Variants in ARHGAP44 observed in about 807,000 individuals in gnomAD.
ARHGAP44 encodes rho GTPase-activating protein 44.
ARHGAP44 carries 43 observed loss-of-function variants against 106.8 expected under a neutral mutation model. The ratio of observed to expected loss-of-function variants is 0.40; its 90% CI spans 0.32 to 0.52. The LOEUF (loss-of-function observed/expected upper bound fraction) is 0.52. Among genes scored for constraint, ARHGAP44 ranks in the 20% least tolerant of loss-of-function variants. ARHGAP44 has a pLI of 0.48. For synonymous variants in ARHGAP44, 439 were observed against 410.3 expected (o/e 1.07, Z -0.85); for missense variants, 866 against 1,050.5 (o/e 0.82, Z 2.43).
At chr17:12,897,540 T>C (rs1245248628) in intron 3 of ARHGAP44, among the ~76,000 whole-genome samples, 1 of 151,882 alleles carries the variant, frequency 6.6e-6, no homozygotes, top group Non-Finnish European at 1.5e-5. Flanking sequence ...AAAATATCTA[T>C]AGAAATAATT....
At chr17:12,945,846 G>A (rs2038836960) in intron 10 of ARHGAP44, among the ~76,000 whole-genome samples, 1 of 152,122 alleles carries the variant, frequency 6.6e-6, no homozygotes, top group Non-Finnish European at 1.5e-5. Context: ...GAGTGCAGTG[G>A]TGCGATCTTG....
chr17:12,986,980 T>G, intron 20 of ARHGAP44: 4 of 869,426 alleles, frequency 4.6e-6, no homozygotes, highest in African/African-American at 1.7e-5. Context: ...GAATCCATCA[T>G]GGTTTGATGT....
chr17:12,941,716 G>A (rs1423561285), intron 8 of ARHGAP44, among the ~76,000 whole-genome samples: 1 of 152,158 alleles, frequency 6.6e-6, no homozygotes, highest in Non-Finnish European at 1.5e-5. Flanking sequence ...ACCAATCAAA[G>A]TGATTTAGAC....
chr17:12,947,314 G>T (rs2038877744), intron 10 of ARHGAP44, among the ~76,000 whole-genome samples: 1 of 152,102 alleles, frequency 6.6e-6, no homozygotes, highest in Admixed American at 6.6e-5. Context: ...TGTTCCTAAT[G>T]TAACCATCCT....
intron 1 of ARHGAP44, among the ~76,000 whole-genome samples, chr17:12,837,560 T>TGAGA (rs2035271648): frequency 6.6e-6 from 1 of 151,350 alleles, no homozygotes; most frequent in African/African-American, 2.4e-5. Flanking sequence ...GGAATTAGCC[T>TGAGA]GAGAGGAGTA....
intron 1 of ARHGAP44, among the ~76,000 whole-genome samples, chr17:12,858,670 G>C (rs1262718952): frequency 6.6e-6 from 1 of 152,150 alleles, no homozygotes; most frequent in Non-Finnish European, 1.5e-5. Flanking sequence ...ATCTGTGGAT[G>C]TGAGCTTATT....
intron 15 of ARHGAP44, among the ~76,000 whole-genome samples, chr17:12,957,134 T>A (rs1243987937): frequency 6.6e-6 from 1 of 152,082 alleles, no homozygotes; most frequent in Non-Finnish European, 1.5e-5. Flanking sequence ...AATTTTGTAT[T>A]TTTAGTAGAG....
At chr17:12,834,707 T>C (rs892919768) in intron 1 of ARHGAP44, among the ~76,000 whole-genome samples, 1 of 152,218 alleles carries the variant, frequency 6.6e-6, no homozygotes, top group African/African-American at 2.4e-5. Flanking sequence ...ATGAAGTTTA[T>C]TTTCTAGTAA....
intron 1 of ARHGAP44, among the ~76,000 whole-genome samples, chr17:12,855,570 T>C (rs1243618868): frequency 1.3e-5 from 2 of 152,146 alleles, no homozygotes; most frequent in African/African-American, 4.8e-5. Flanking sequence ...TTTATTTTTC[T>C]GGGTGGGTGG....
At chr17:12,799,883 C>A (rs1052536857) in intron 1 of ARHGAP44, among the ~76,000 whole-genome samples, 2 of 152,152 alleles carry the variant, frequency 1.3e-5, no homozygotes, top group Non-Finnish European at 2.9e-5. Flanking sequence ...TCTGCCTTGG[C>A]CTCCCAAAGT....
At chr17:12,897,678 G>T (rs923531369) in intron 3 of ARHGAP44, among the ~76,000 whole-genome samples, 11 of 150,712 alleles carry the variant, frequency 7.3e-5, no homozygotes, top group Admixed American at 2.0e-4. Flanking sequence ...CCGGATGGGG[G>T]TGCTGGAGCC....
At chr17:12,881,909 A>G (rs2036749397) in intron 1 of ARHGAP44, among the ~76,000 whole-genome samples, 1 of 152,088 alleles carries the variant, frequency 6.6e-6, no homozygotes, top group Admixed American at 6.5e-5. Context: ...TAGGCTGGTC[A>G]AGACCAGTCT....
intron 16 of ARHGAP44, among the ~76,000 whole-genome samples, chr17:12,961,627 G>A (rs919396904): frequency 1.3e-5 from 2 of 152,146 alleles, no homozygotes; most frequent in South Asian, 4.1e-4. Context: ...CCAGCTACTC[G>A]GAAGGCTGAG....
At chr17:12,939,745 C>T (rs1184271507) in intron 7 of ARHGAP44, among the ~76,000 whole-genome samples, 12 of 152,204 alleles carry the variant, frequency 7.9e-5, no homozygotes, top group East Asian at 1.9e-4. Context: ...GGATTACAGG[C>T]GTGAGCCACC....
intron 1 of ARHGAP44, among the ~76,000 whole-genome samples, chr17:12,869,225 C>A (rs1378499324): frequency 6.6e-6 from 1 of 151,968 alleles, no homozygotes; most frequent in Non-Finnish European, 1.5e-5. Context: ...TTGGAACGAG[C>A]AAGAAAATTC....
At chr17:12,883,714 G>A (rs2150902975) in intron 1 of ARHGAP44, among the ~76,000 whole-genome samples, 1 of 152,192 alleles carries the variant, frequency 6.6e-6, no homozygotes, top group Middle Eastern at 3.4e-3. Flanking sequence ...TCATCTTTGT[G>A]ACTTCTGACC....
chr17:12,989,977 TTC>T, intron 20 of ARHGAP44, 53 bp from the exon 21 acceptor site: 1 of 1,583,814 alleles, frequency 6.3e-7, no homozygotes, highest in Middle Eastern at 1.7e-4. Context: ...TACAACTAGG[TTC>T]TCATTTGCCG....
intron 1 of ARHGAP44, among the ~76,000 whole-genome samples, chr17:12,890,843 A>T (rs1261753329): frequency 2.6e-5 from 4 of 152,276 alleles, no homozygotes; most frequent in African/African-American, 9.6e-5. Context: ...AGCCATGCAG[A>T]TTCTTCCATA....
At chr17:12,953,174 G>A (rs528232858) in intron 13 of ARHGAP44, among the ~76,000 whole-genome samples, 24 of 152,188 alleles carry the variant, frequency 1.6e-4, no homozygotes, top group African/African-American at 3.4e-4. Flanking sequence ...ATGAGGGAGC[G>A]TGTTCTCCAG....
Sources: gnomAD v4.1 joint callset for allele counts (sites outside exome capture counted in the v4.1 genomes callset) on GRCh38, gnomAD v4.1.1 for gene constraint, MANE v1.5 for transcripts, NCBI Gene and HGNC (gene_info 2026-07-23, HGNC 2026-07-21) for gene names.